CELF1: variants seen among roughly 807,000 people sequenced by gnomAD.
CELF1 encodes the protein 50 kDa nuclear polyadenylated RNA-binding protein.
In CELF1, 10 loss-of-function variants were observed where a neutral mutation model predicts 61.8. That is an observed-to-expected ratio of 0.16 (90% CI 0.10 to 0.27). The LOEUF (loss-of-function observed/expected upper bound fraction) is 0.27, where lower values mean the gene tolerates loss of function less well. CELF1 is among the 10% of genes least tolerant of loss of function. The probability of loss-of-function intolerance (pLI) is 1.00; values close to 1 mark genes in which losing one functional copy is unlikely to be tolerated. For synonymous variants in CELF1, 236 were observed against 225.1 expected, an observed-to-expected ratio of 1.05 and a Z score of -0.43; for missense variants, 380 against 639.1, an observed-to-expected ratio of 0.59 and a Z score of 4.37.
intron 1 of CELF1, among the ~76,000 whole-genome samples, chr11:47,501,416 C>T (rs888148029): frequency 2.0e-5 from 3 of 152,144 alleles, no homozygotes; most frequent in African/African-American, 7.2e-5. Flanking sequence ...CATGCCTCTT[C>T]CTATAGAAAG....
intron 6 of CELF1, 86 bp from the exon 7 acceptor site, chr11:47,484,609 T>C: frequency 8.9e-7 from 1 of 1,127,124 alleles, no homozygotes; most frequent in Non-Finnish European, 1.3e-6. Context: ...CGCCTGGGTT[T>C]GAATCCTGGC....
At chr11:47,495,965 G>C in intron 3 of CELF1, 1 of 984,844 alleles carries the variant, frequency 1.0e-6, no homozygotes, top group Non-Finnish European at 1.2e-6. Flanking sequence ...CTCCCCAGCA[G>C]GCAAAAATAC....
rs1282528998 is a variant in CELF1 at position 47,499,512 on chromosome 11, A to AC, written c.11_12insG (p.Phe4LeufsTer2). On this transcript the variant is annotated frameshift_variant, in exon 3 of 15. Coordinates refer to ENST00000687097, the MANE Select transcript of CELF1 (RefSeq NM_001376376.1). LOFTEE classifies it high-confidence loss of function. Reference sequence around the variant, plus strand: ...TCATTTCTGGAAGGAAATCCAACTTAAACGCAGCCATCACCTCACTCTCCC... The same window carrying AC: ...TCATTTCTGGAAGGAAATCCAACTTACAACGCAGCCATCACCTCACTCTCCC... 5 of 1,535,846 alleles carry AC rather than the reference A, an allele frequency of 3.3e-6. No individual in the cohort carries two copies. Among genetic ancestry groups the AC allele is most frequent in the African/African-American group, 1.4e-5 (1 of 73,044 alleles).
At chr11:47,544,946 C>G (rs9666418) in intron 1 of CELF1, among the ~76,000 whole-genome samples, 151,479 of 152,230 alleles carry the variant, frequency 1, 75,372 homozygotes, top group Middle Eastern at 1. Context: ...TGGGTAACAA[C>G]AGTGACACTC....
intron 6 of CELF1, among the ~76,000 whole-genome samples, chr11:47,486,415 C>CTT (rs889800216): frequency 1.4e-5 from 2 of 144,510 alleles, no homozygotes; most frequent in African/African-American, 5.1e-5. Flanking sequence ...AGGCAGAAAT[C>CTT]TTTTTTTTTT....
At position 47,469,887 on chromosome 11, in the gene CELF1, G is replaced by C. The variant is rs1438950248; in HGVS notation, c.*2343C>G. On this transcript the variant is annotated 3_prime_UTR_variant, in exon 15 of 15. Coordinates refer to ENST00000687097, the MANE Select transcript of CELF1 (RefSeq NM_001376376.1). ...CCATGGACAAATAATGGTGAGATGG[G>C]GGAAGGCGGAGAGAAGAAGGGGATG... 6.6e-6 allele frequency: 1 copy of C among 152,334 alleles called. No individual in the cohort carries two copies. The highest frequency in any genetic ancestry group is 6.5e-5 in the Admixed American group (1 of 15,284). 9.4% of individuals were successfully genotyped at this position (152,334 alleles called of 1,614,324 possible).
At chr11:47,535,534 C>T (rs1239801252) in intron 1 of CELF1, among the ~76,000 whole-genome samples, 11 of 151,478 alleles carry the variant, frequency 7.3e-5, no homozygotes, top group African/African-American at 2.2e-4. Context: ...GAAAATTAGC[C>T]GGGCATGGTG....
At chr11:47,519,261 C>G (rs1223367833) in intron 1 of CELF1, among the ~76,000 whole-genome samples, 1 of 152,146 alleles carries the variant, frequency 6.6e-6, no homozygotes, top group East Asian at 1.9e-4. Context: ...AGGTGGATCA[C>G]TTGAGGTCAG....
intron 1 of CELF1, chr11:47,513,457 ACC>A (rs1238684925): frequency 7.3e-6 from 1 of 136,816 alleles, no homozygotes; most frequent in Admixed American, 7.3e-5. Context: ...TGTGGGCAGC[ACC>A]CCCTCTTTTT....
rs75679841 is a variant in CELF1 at position 47,489,938 on chromosome 11, T to C, written c.72-914A>G. On this transcript the variant is annotated intron_variant, in intron 3 of 14. Coordinates refer to ENST00000687097, the MANE Select transcript of CELF1 (RefSeq NM_001376376.1). ...TCCACTCAGAACATACCATCTTGTT[T>C]TTTTTTTTTTTTTTTTTGAGACGGA... Among the ~76,000 whole-genome samples the C allele has an allele frequency of 3.7e-5, 4 of 108,376 alleles. 1 individual carries two copies. The East Asian group carries it at 1.0e-3, about 28-fold the overall frequency. 71.1% of individuals were successfully genotyped at this position (108,376 alleles called of 152,430 possible).
chr11:47,558,979 G>A (rs1465525656), intron 2 of CELF1, among the ~76,000 whole-genome samples: 1 of 135,460 alleles, frequency 7.4e-6, no homozygotes, highest in Non-Finnish European at 1.5e-5. Context: ...TATTATATAT[G>A]TTATATATAG....
At chr11:47,545,907 A>G (rs61895114) in intron 1 of CELF1, among the ~76,000 whole-genome samples, 6,467 of 96,062 alleles carry the variant, frequency 0.067, 196 homozygotes, top group Non-Finnish European at 0.094. Flanking sequence ...GTGTGTGTGT[A>G]TATATATATT....
At chr11:47,493,422 C>T (rs1267637563) in intron 3 of CELF1, among the ~76,000 whole-genome samples, 2 of 148,018 alleles carry the variant, frequency 1.4e-5, no homozygotes, top group Non-Finnish European at 3.0e-5. Context: ...GCAGGAGAAT[C>T]ACTTGAACCC....
chr11:47,547,601 G>A (rs943826257), intron 1 of CELF1, among the ~76,000 whole-genome samples: 2 of 150,760 alleles, frequency 1.3e-5, no homozygotes, highest in African/African-American at 2.4e-5. Flanking sequence ...CCCGGGAGGC[G>A]GAGGTTACAG....
intron 1 of CELF1, among the ~76,000 whole-genome samples, chr11:47,509,214 TCTTTC>T (rs777935223): frequency 2.6e-5 from 4 of 152,238 alleles, no homozygotes; most frequent in Non-Finnish European, 4.4e-5. Flanking sequence ...CTGTTTTACA[TCTTTC>T]CTTTCATTTC....
At chr11:47,511,941 C>T (rs757766039) in intron 1 of CELF1, among the ~76,000 whole-genome samples, 1 of 152,100 alleles carries the variant, frequency 6.6e-6, no homozygotes, top group Non-Finnish European at 1.5e-5. Context: ...CTCTGCCTCC[C>T]GGGTTCAAGT....
chr11:47,516,428 C>T (rs1051857347), intron 1 of CELF1, among the ~76,000 whole-genome samples: 4 of 152,112 alleles, frequency 2.6e-5, no homozygotes, highest in Non-Finnish European at 5.9e-5. Context: ...TGCCTCTTCT[C>T]CAACAATAAT....
At chr11:47,484,604 G>C (rs927975919) in intron 6 of CELF1, 81 bp from the exon 7 acceptor site, 1 of 1,237,948 alleles carries the variant, frequency 8.1e-7, no homozygotes, top group African/African-American at 1.5e-5. Flanking sequence ...CAGACCGCCT[G>C]GGTTTGAATC....
chr11:47,560,871 G>T (rs1329363797), intron 2 of CELF1, among the ~76,000 whole-genome samples: 1 of 152,222 alleles, frequency 6.6e-6, no homozygotes, highest in Non-Finnish European at 1.5e-5. Flanking sequence ...GGGCGCAGTG[G>T]CTCACGCCTG....
Sources: gnomAD v4.1 joint callset for allele counts (sites outside exome capture counted in the v4.1 genomes callset) on GRCh38, gnomAD v4.1.1 for gene constraint, MANE v1.5 for transcripts, NCBI Gene and HGNC (gene_info 2026-07-23, HGNC 2026-07-21) for gene names.